Variants in ATP13A5 observed in about 807,000 individuals in gnomAD.
The protein encoded by ATP13A5 is probable cation-transporting ATPase 13A5.
Under a neutral mutation model 150.2 loss-of-function variants are expected in ATP13A5, and 149 were observed. The ratio of observed to expected loss-of-function variants is 0.99; its 90% confidence interval spans 0.87 to 1.14. The LOEUF (loss-of-function observed/expected upper bound fraction) is 1.14. ATP13A5 is among the 50% of genes most tolerant of loss of function. ATP13A5 has a pLI of 0.00. For synonymous variants in ATP13A5, 497 were observed against 522.2 expected (o/e 0.95, Z 0.66); for missense variants, 1,383 against 1,449.3 (o/e 0.95, Z 0.74).
intron 1 of ATP13A5, among the ~76,000 whole-genome samples, chr3:193,368,956 G>C (rs1411820286): frequency 1.3e-5 from 2 of 152,196 alleles, no homozygotes; most frequent in African/African-American, 4.8e-5. Context: ...AAAATTAAAA[G>C]CTTCTGGCTG....
At chr3:193,320,769 T>G (rs1719239499) in intron 16 of ATP13A5, among the ~76,000 whole-genome samples, 1 of 152,194 alleles carries the variant, frequency 6.6e-6, no homozygotes, top group Non-Finnish European at 1.5e-5. Flanking sequence ...ACCAATTTTA[T>G]CCAAATGAAC....
intron 7 of ATP13A5, 26 bp downstream of exon 7, chr3:193,351,041 A>G (rs1487849277): frequency 6.2e-7 from 1 of 1,611,234 alleles, no homozygotes; most frequent in Admixed American, 1.7e-5. Context: ...AGCTAAATAG[A>G]ATCTGGCTGT....
At chr3:193,283,428 TAA>T (rs550056729) in intron 27 of ATP13A5, among the ~76,000 whole-genome samples, 18,037 of 148,842 alleles carry the variant, frequency 0.12, 1,305 homozygotes, top group Admixed American at 0.16. Context: ...AGAAAAAAAA[TAA>T]GTTTAAAAAT....
At chr3:193,343,709 C>T (rs1014559363) in intron 9 of ATP13A5, among the ~76,000 whole-genome samples, 1 of 152,162 alleles carries the variant, frequency 6.6e-6, no homozygotes, top group Non-Finnish European at 1.5e-5. Flanking sequence ...TCATATTAAA[C>T]ATTTGTTTTC....
At chr3:193,300,387 T>C (rs1718352856) in intron 24 of ATP13A5, among the ~76,000 whole-genome samples, 1 of 152,140 alleles carries the variant, frequency 6.6e-6, no homozygotes, top group African/African-American at 2.4e-5. Flanking sequence ...AGAACTTGAA[T>C]CCAGGTTTTC....
intron 7 of ATP13A5, 122 bp downstream of exon 7, chr3:193,350,945 C>T: frequency 8.7e-7 from 1 of 1,144,886 alleles, no homozygotes; most frequent in Non-Finnish European, 1.2e-6. Flanking sequence ...TTGGTAAGCC[C>T]TCACTTTTTG....
At chr3:193,343,635 C>T (rs983650340) in intron 9 of ATP13A5, among the ~76,000 whole-genome samples, 27 of 152,156 alleles carry the variant, frequency 1.8e-4, no homozygotes, top group African/African-American at 6.0e-4. Context: ...CTGTGTAGTG[C>T]TCTCATCCTC....
intron 6 of ATP13A5, 124 bp downstream of exon 6, chr3:193,354,003 C>A: frequency 1.4e-6 from 1 of 713,556 alleles, no homozygotes; most frequent in Non-Finnish European, 2.2e-6. Context: ...TAAGCAGTAA[C>A]AAAAAGAAGT....
At chr3:193,352,286 C>T (rs1712593131) in intron 6 of ATP13A5, among the ~76,000 whole-genome samples, 1 of 152,192 alleles carries the variant, frequency 6.6e-6, no homozygotes, top group Admixed American at 6.5e-5. Flanking sequence ...AACTGCTTTA[C>T]TTGCAAATTA....
chr3:193,276,938 G>A, intron 28 of ATP13A5, 108 bp from the exon 29 acceptor site: 1 of 814,430 alleles, frequency 1.2e-6, no homozygotes, highest in South Asian at 1.9e-5. Flanking sequence ...TGAGCTTAGT[G>A]GTGGGCATTA....
chr3:193,291,787 T>G (rs1489425259), intron 25 of ATP13A5, among the ~76,000 whole-genome samples: 1 of 152,070 alleles, frequency 6.6e-6, no homozygotes. Context: ...GGGTGAGGCA[T>G]CCTGACTTCA....
chr3:193,365,683 G>T (rs1236718883), intron 1 of ATP13A5, among the ~76,000 whole-genome samples: 1 of 152,068 alleles, frequency 6.6e-6, no homozygotes, highest in Non-Finnish European at 1.5e-5. Context: ...ATAGAAGCAG[G>T]ACAATTTGGA....
Position 193,324,936 on chromosome 3 carries a change from G to A in ATP13A5, c.1602C>T (p.His534=). ...SPLCAAMASC[H]SLILLNGTIQ... ...TGGTCCCATTGAGAAGGATCAGAGA[G>A]TGGCAGCTGGCCATGGCCGCACACA... Residue 534 remains histidine (H), a synonymous_variant, in exon 14 of 30, where the codon CAC becomes CAT. Transcript: ENST00000342358. The A allele has an allele frequency of 6.2e-7, 1 of 1,614,184 alleles. No homozygotes were observed. Among genetic ancestry groups the A allele is most frequent in the East Asian group, 2.2e-5 (1 of 44,886 alleles).
intron 27 of ATP13A5, chr3:193,281,301 C>A: frequency 1.6e-6 from 1 of 635,000 alleles, no homozygotes; most frequent in Non-Finnish European, 2.0e-6. Flanking sequence ...GGGTGCACAT[C>A]ACTGTCTAAT....
chr3:193,327,664 C>T (rs775926989), intron 12 of ATP13A5, among the ~76,000 whole-genome samples: 8 of 152,098 alleles, frequency 5.3e-5, no homozygotes, highest in Non-Finnish European at 7.4e-5. Flanking sequence ...AGATTTGATT[C>T]GCCATACTAT....
chr3:193,377,208 G>A (rs1416854274), intron 1 of ATP13A5, among the ~76,000 whole-genome samples: 2 of 152,170 alleles, frequency 1.3e-5, no homozygotes, highest in East Asian at 3.8e-4. Flanking sequence ...AGAGCTAACA[G>A]AATTGTTCAG....
rs976389709 is a variant in ATP13A5 at position 193,362,816 on chromosome 3, A to G, written c.385-179T>C. ...TTCTTTCTTTCTTTCTTTCTTTCAG[A>G]CAGGGTCTCACTCTGTCACCCAGGC... On this transcript the variant is annotated intron_variant, in intron 3 of 29. Coordinates refer to ENST00000342358, the MANE Select transcript of ATP13A5 (RefSeq NM_198505.4). Among the ~76,000 whole-genome samples the G allele has an allele frequency of 1.8e-4, 9 of 51,380 alleles. 2 individuals are homozygous for G. The highest frequency in any genetic ancestry group is 5.7e-4 in the African/African-American group (9 of 15,720). The allele number at this position is 51,380 out of a possible 152,430, so 33.7% of individuals were successfully genotyped here.
Position 193,325,027 on chromosome 3 carries a change from G to A in ATP13A5, c.1524-13C>T, listed in dbSNP as rs374011624. The A allele has an allele frequency of 7.5e-5, 120 of 1,607,588 alleles. No individual in the cohort carries two copies. The African/African-American group carries it at 1.4e-3, about 19-fold the overall frequency. ...GGCTTCCTGGAAGCTGGTAGAGAAG[G>A]TAATGTTAAAGTCTTTGATAAAATC... On this transcript the variant is annotated splice_polypyrimidine_tract_variant and intron_variant, in intron 13 of 29. Coordinates refer to ENST00000342358, the MANE Select transcript of ATP13A5 (RefSeq NM_198505.4).
intron 1 of ATP13A5, among the ~76,000 whole-genome samples, chr3:193,370,200 G>A (rs769989919): frequency 1.3e-5 from 2 of 152,184 alleles, no homozygotes; most frequent in Non-Finnish European, 2.9e-5. Context: ...GAATACAAAG[G>A]AAGCAGTCTG....
Sources: allele counts gnomAD v4.1 joint callset (sites outside exome capture counted in the v4.1 genomes callset), GRCh38; gene constraint gnomAD v4.1.1; transcripts MANE v1.5; gene names NCBI Gene and HGNC (gene_info 2026-07-23, HGNC 2026-07-21).